The following L3MBTL4 variants were observed in gnomAD, a reference collection of about 807,000 sequenced individuals.
L3MBTL4 encodes lethal(3)malignant brain tumor-like protein 4.
L3MBTL4 carries 70 observed loss-of-function variants against 84.5 expected under a neutral mutation model. The observed-to-expected ratio is 0.83, with a 90% CI of 0.68 to 1.01. The LOEUF (loss-of-function observed/expected upper bound fraction) is 1.01, where lower values mean the gene tolerates loss of function less well. Among genes scored for constraint, L3MBTL4 ranks in the 50% least tolerant of loss-of-function variants. The pLI is 0.00. For synonymous variants in L3MBTL4, 274 were observed against 259.8 expected (o/e 1.05, Z -0.52); for missense variants, 715 against 754.8 (o/e 0.95, Z 0.62).
chr18:6,070,193 C>T (rs1448354047), intron 16 of L3MBTL4, among the ~76,000 whole-genome samples: 1 of 152,130 alleles, frequency 6.6e-6, no homozygotes, highest in Non-Finnish European at 1.5e-5. Flanking sequence ...CATACACCCA[C>T]AGATTTAAGC....
chr18:6,157,129 A>G (rs2043137326), intron 13 of L3MBTL4, among the ~76,000 whole-genome samples: 1 of 151,846 alleles, frequency 6.6e-6, no homozygotes, highest in Non-Finnish European at 1.5e-5. Context: ...GGGACTTTGA[A>G]AATAGCTACC....
intron 16 of L3MBTL4, among the ~76,000 whole-genome samples, chr18:5,982,135 C>A (rs1285174787): frequency 6.6e-6 from 1 of 152,024 alleles, no homozygotes; most frequent in Non-Finnish European, 1.5e-5. Flanking sequence ...AGAATTAGCC[C>A]CTCTATGTTG....
chr18:6,113,915 T>C (rs1355438724), intron 14 of L3MBTL4, among the ~76,000 whole-genome samples: 1 of 152,206 alleles, frequency 6.6e-6, no homozygotes, highest in Non-Finnish European at 1.5e-5. Flanking sequence ...TCACTGATGT[T>C]TGTCCACAGT....
intron 1 of L3MBTL4, among the ~76,000 whole-genome samples, chr18:6,324,861 G>A (rs943891557): frequency 5.3e-5 from 8 of 152,084 alleles, no homozygotes; most frequent in Admixed American, 1.3e-4. Flanking sequence ...CACAAAAAAA[G>A]GGCAAAGCTT....
At chr18:5,999,476 T>C (rs1334388523) in intron 16 of L3MBTL4, among the ~76,000 whole-genome samples, 2 of 152,230 alleles carry the variant, frequency 1.3e-5, no homozygotes, top group Admixed American at 6.5e-5. Context: ...CAGAGTGTGC[T>C]GTGCTTCATA....
chr18:6,225,314 C>T (rs1397580433), intron 10 of L3MBTL4, among the ~76,000 whole-genome samples: 1 of 152,196 alleles, frequency 6.6e-6, no homozygotes, highest in Non-Finnish European at 1.5e-5. Context: ...GACTTAAAGG[C>T]CAAGTGGGGC....
chr18:6,370,096 T>C (rs1380494441), intron 1 of L3MBTL4, among the ~76,000 whole-genome samples: 1 of 141,350 alleles, frequency 7.1e-6, no homozygotes, highest in East Asian at 2.1e-4. Context: ...ATCATGCCAC[T>C]GCACTCCAGC....
intron 16 of L3MBTL4, among the ~76,000 whole-genome samples, chr18:6,009,699 C>T (rs898612244): frequency 1.3e-5 from 2 of 152,070 alleles, no homozygotes; most frequent in Non-Finnish European, 2.9e-5. Context: ...TAGTTTTTTA[C>T]TTGTGTTATT....
chr18:6,077,352 T>C (rs1299237712), intron 16 of L3MBTL4, among the ~76,000 whole-genome samples: 1 of 152,196 alleles, frequency 6.6e-6, no homozygotes, highest in Non-Finnish European at 1.5e-5. Flanking sequence ...ACAAAGTAAT[T>C]AAAATTTTTA....
chr18:6,001,393 T>A (rs966660340), intron 16 of L3MBTL4, among the ~76,000 whole-genome samples: 77 of 152,302 alleles, frequency 5.1e-4, no homozygotes, highest in African/African-American at 1.8e-3. Flanking sequence ...GGCTCAGAAA[T>A]GACCTGAGAA....
At chr18:6,283,989 G>A (rs1477857890) in intron 4 of L3MBTL4, among the ~76,000 whole-genome samples, 1 of 152,194 alleles carries the variant, frequency 6.6e-6, no homozygotes, top group Non-Finnish European at 1.5e-5. Context: ...AAGTCTGGGC[G>A]ATCATTCTCT....
At chr18:6,322,048 AT>A (rs1228261181) in intron 1 of L3MBTL4, among the ~76,000 whole-genome samples, 1 of 152,098 alleles carries the variant, frequency 6.6e-6, no homozygotes, top group Non-Finnish European at 1.5e-5. Context: ...TAATAAAAAT[AT>A]TTTTTTATAA....
At chr18:5,992,197 A>C (rs1447241740) in intron 16 of L3MBTL4, among the ~76,000 whole-genome samples, 1 of 152,172 alleles carries the variant, frequency 6.6e-6, no homozygotes, top group Non-Finnish European at 1.5e-5. Context: ...GGCTGACAAT[A>C]GGGCATGATG....
chr18:6,073,374 A>G (rs2057752544), intron 16 of L3MBTL4, among the ~76,000 whole-genome samples: 1 of 152,174 alleles, frequency 6.6e-6, no homozygotes, highest in Admixed American at 6.5e-5. Context: ...AGAAATTTTA[A>G]AAATCTAAAG....
At chr18:6,368,314 A>G (rs2144135700) in intron 1 of L3MBTL4, among the ~76,000 whole-genome samples, 1 of 152,272 alleles carries the variant, frequency 6.6e-6, no homozygotes, top group Admixed American at 6.5e-5. Context: ...AGAAAACACC[A>G]GAAGATCTTT....
chr18:5,998,871 T>C (rs1421504108), intron 16 of L3MBTL4, among the ~76,000 whole-genome samples: 1 of 152,222 alleles, frequency 6.6e-6, no homozygotes, highest in Non-Finnish European at 1.5e-5. Flanking sequence ...AGTCTCTGCC[T>C]TCAGGCTCCT....
intron 13 of L3MBTL4, among the ~76,000 whole-genome samples, chr18:6,171,244 G>T (rs145463978): frequency 3.9e-5 from 6 of 152,276 alleles, no homozygotes; most frequent in African/African-American, 1.4e-4. Context: ...AGTCATGTCA[G>T]CCTAATCAGA....
intron 7 of L3MBTL4, among the ~76,000 whole-genome samples, chr18:6,241,782 T>C (rs1198523849): frequency 1.3e-5 from 2 of 152,180 alleles, no homozygotes; most frequent in Non-Finnish European, 2.9e-5. Flanking sequence ...AGTACTCTGG[T>C]GGCCTGATGG....
chr18:6,298,799 G>A (rs562244386), intron 4 of L3MBTL4, among the ~76,000 whole-genome samples: 5 of 152,042 alleles, frequency 3.3e-5, no homozygotes, highest in Middle Eastern at 3.2e-3. Context: ...ACTTGAACCC[G>A]GGAGGCGGAG....
Sources: allele counts gnomAD v4.1 joint callset (sites outside exome capture counted in the v4.1 genomes callset), GRCh38; gene constraint gnomAD v4.1.1; transcripts MANE v1.5; gene names NCBI Gene and HGNC (gene_info 2026-07-23, HGNC 2026-07-21).